The following TESPA1 variants were observed in gnomAD, a reference collection of about 807,000 sequenced individuals.
TESPA1 encodes thymocyte expressed, positive selection associated 1, also known as protein TESPA1.
In TESPA1, 33 loss-of-function variants were observed where a neutral mutation model predicts 57.9. The observed-to-expected ratio is 0.57, with a 90% CI of 0.43 to 0.76. The LOEUF (loss-of-function observed/expected upper bound fraction) is 0.76. Ranked by LOEUF, TESPA1 falls within the 30% of genes least tolerant of loss-of-function variation. The pLI is 0.00. For missense variants in TESPA1, 618 were observed against 632.9 expected, an observed-to-expected ratio of 0.98 and a Z score of 0.25; for synonymous variants, 227 against 228.9, an observed-to-expected ratio of 0.99 and a Z score of 0.07.
At chr12:54,969,916 T>A (rs1951721827) in intron 3 of TESPA1, among the ~76,000 whole-genome samples, 1 of 152,058 alleles carries the variant, frequency 6.6e-6, no homozygotes, top group Non-Finnish European at 1.5e-5. Context: ...ATTGAGCTAT[T>A]TATGTATTTA....
rs1222941467 is a variant in TESPA1, at chr12:54,984,682, A to G, written c.-143T>C. ...GGCACAGAGGTGAAGCAAGTGAGAA[A>G]GTATCATGTTGTAGATTATGCCTTT... is the stretch of plus-strand genomic sequence containing the variant. On this transcript the variant is annotated 5_prime_UTR_variant, in exon 1 of 11. Coordinates refer to ENST00000449076, the MANE Select transcript of TESPA1 (RefSeq NM_001136030.3). 2 of 152,274 alleles carry G rather than the reference A, an allele frequency of 1.3e-5. No individual in the cohort carries two copies. Among genetic ancestry groups the G allele is most frequent in the Non-Finnish European group, 2.9e-5 (2 of 68,054 alleles). 9.4% of individuals were successfully genotyped at this position (152,274 alleles called of 1,614,324 possible).
intron 7 of TESPA1, among the ~76,000 whole-genome samples, chr12:54,965,253 G>A (rs868795209): frequency 2.6e-5 from 4 of 152,076 alleles, no homozygotes; most frequent in Admixed American, 6.5e-5. Flanking sequence ...ATAGGTAAAC[G>A]TGTGCTAGGG....
rs189608954 is a variant in TESPA1, at chr12:54,951,336, C to T, written c.*2-946G>A. Among the ~76,000 whole-genome samples the T allele has an allele frequency of 3.9e-5, 6 of 152,284 alleles. 1 individual carries two copies. Among genetic ancestry groups the T allele is most frequent in the Admixed American group, 3.9e-4 (6 of 15,294 alleles). ...TGCCATGAATGAAAGTTCCTGAGGT[C>T]TCCCTAGCCATGCCTCCTGCACAGC... On this transcript the variant is annotated intron_variant, in intron 10 of 10. Coordinates refer to ENST00000449076, the MANE Select transcript of TESPA1 (RefSeq NM_001136030.3).
chr12:54,976,512 T>C (rs1952143066), intron 1 of TESPA1, among the ~76,000 whole-genome samples: 1 of 144,468 alleles, frequency 6.9e-6, no homozygotes, highest in South Asian at 2.2e-4. Context: ...AGGGCAGGAA[T>C]GCAGAAGGGC....
intron 3 of TESPA1, among the ~76,000 whole-genome samples, chr12:54,971,755 TAACTA>T (rs1951843106): frequency 6.6e-6 from 1 of 152,056 alleles, no homozygotes; most frequent in Admixed American, 6.5e-5. Context: ...ATTAAAGATA[TAACTA>T]AAGTCTTATT....
intron 10 of TESPA1, among the ~76,000 whole-genome samples, chr12:54,951,858 T>G (rs1357757147): frequency 6.6e-6 from 1 of 152,080 alleles, no homozygotes; most frequent in Non-Finnish European, 1.5e-5. Flanking sequence ...TGTTTTTTTT[T>G]TTTTACTTCA....
intron 1 of TESPA1, among the ~76,000 whole-genome samples, chr12:54,976,076 G>C (rs1952125074): frequency 6.6e-6 from 1 of 152,162 alleles, no homozygotes; most frequent in Non-Finnish European, 1.5e-5. Flanking sequence ...TTAAATCACT[G>C]AATGAAGTTA....
At chr12:54,958,171 A>G (rs1950847570) in intron 10 of TESPA1, among the ~76,000 whole-genome samples, 1 of 152,246 alleles carries the variant, frequency 6.6e-6, no homozygotes, top group African/African-American at 2.4e-5. Flanking sequence ...TAGATTGCCC[A>G]GGAATGTATA....
chr12:54,964,508 G>A, intron 7 of TESPA1, among the ~76,000 whole-genome samples: 1 of 152,238 alleles, frequency 6.6e-6, no homozygotes, highest in Non-Finnish European at 1.5e-5. Context: ...CTGTGTCACA[G>A]AAGATCCCGT....
At position 54,978,165 on chromosome 12, in the gene TESPA1, G is replaced by C. The variant is rs115146612; in HGVS notation, c.-45-3558C>G. On this transcript the variant is annotated intron_variant, in intron 1 of 10. Transcript: ENST00000449076. ...GTAGGTCTTGGGGCCCCTTGTAATAGAGACAAAGATATGGAGATGTTTCCT... is the reference window on the plus strand; with the variant it reads ...GTAGGTCTTGGGGCCCCTTGTAATACAGACAAAGATATGGAGATGTTTCCT... Among the ~76,000 whole-genome samples the C allele has an allele frequency of 2.9e-3, 440 of 152,272 alleles. 1 individual carries two copies. Among genetic ancestry groups the C allele is most frequent in the African/African-American group, 9.1e-3 (377 of 41,548 alleles).
chr12:54,967,742 T>A, intron 4 of TESPA1, 101 bp downstream of exon 4: 1 of 1,373,360 alleles, frequency 7.3e-7, no homozygotes, highest in East Asian at 2.3e-5. Flanking sequence ...CTCTTTTGCA[T>A]GCCTATGCAT....
chr12:54,966,400 T>C lies in TESPA1; in HGVS notation c.335A>G (p.Lys112Arg). The C allele has an allele frequency of 6.2e-7, 1 of 1,613,856 alleles. No homozygotes were observed. Among genetic ancestry groups the C allele is most frequent in the East Asian group, 2.2e-5 (1 of 44,894 alleles). Residue 112 changes from lysine to arginine, a missense_variant, in exon 6 of 11, where the codon AAA becomes AGA. Coordinates refer to ENST00000449076, the MANE Select transcript of TESPA1 (RefSeq NM_001136030.3). ...AEATLLAANG[K>R]LFSRSFLETA... Reference sequence around the variant, plus strand: ...ACCTAACACTTACCTGGAGAAGAGTTTGCCATTGGCGGCCAGTAGTGTGGC... The same window carrying C: ...ACCTAACACTTACCTGGAGAAGAGTCTGCCATTGGCGGCCAGTAGTGTGGC...
intron 3 of TESPA1, among the ~76,000 whole-genome samples, chr12:54,972,327 C>G (rs896670570): frequency 2.2e-4 from 34 of 152,190 alleles, no homozygotes; most frequent in African/African-American, 8.2e-4. Context: ...TGGCACCCCT[C>G]TAGGTTATTC....
chr12:54,961,590 G>A (rs1472648244), intron 9 of TESPA1, among the ~76,000 whole-genome samples: 1 of 152,220 alleles, frequency 6.6e-6, no homozygotes, highest in Non-Finnish European at 1.5e-5. Flanking sequence ...CTGAGTCTTA[G>A]AGGGTCAGAA....
At position 54,966,112 on chromosome 12, in the gene TESPA1, A is replaced by G. The variant is rs1951411975; in HGVS notation, c.387T>C (p.Asp129=). The change falls in exon 7 of 11, where the codon GAT becomes GAC. Residue 129 remains aspartate (D), a synonymous_variant. Transcript: ENST00000449076. ...TGCTGGAAGCCAAACTACAGCCAAG[A>G]TCAAGTAGCTGGCAAGGCCTGGCTG... ...LETARPCQLL[D]LGCSLASSSM... The G allele has an allele frequency of 6.3e-7, 1 of 1,576,656 alleles. No individual in the cohort carries two copies. Among genetic ancestry groups the G allele is most frequent in the Non-Finnish European group, 8.6e-7 (1 of 1,160,110 alleles).
Position 54,950,269 on chromosome 12 carries a change from G to A in TESPA1, c.*123C>T. The A allele has an allele frequency of 4.4e-6, 2 of 456,810 alleles. No individual in the cohort carries two copies. The highest frequency in any genetic ancestry group is 4.4e-6 in the Non-Finnish European group (1 of 226,984). The allele number at this position is 456,810 out of a possible 1,614,324, so 28.3% of individuals were successfully genotyped here. On this transcript the variant is annotated 3_prime_UTR_variant, in exon 11 of 11. Transcript: ENST00000449076. ...TTCTCCTGCAGAGTTTGGGGGTTTG[G>A]AGGACCAAGGAGTAGGGGCTGGATG...
At chr12:54,966,808 C>T (rs547038361) in intron 5 of TESPA1, among the ~76,000 whole-genome samples, 1 of 152,270 alleles carries the variant, frequency 6.6e-6, no homozygotes, top group East Asian at 1.9e-4. Flanking sequence ...TACTGATGTC[C>T]TTCTCCTCCT....
rs563955792 is a variant in TESPA1 at position 54,949,642 on chromosome 12, AT to A, written c.*749del. The stretch of plus-strand genomic sequence containing the variant: ...AAAAACATGCCATGATTTAAAAAAA[AT>A]ATTTGTATTGTTTTCTGCCAACAGA... On this transcript the variant is annotated 3_prime_UTR_variant, in exon 11 of 11. Coordinates refer to ENST00000449076, the MANE Select transcript of TESPA1 (RefSeq NM_001136030.3). The A allele has an allele frequency of 1.7e-4, 26 of 152,618 alleles. 1 individual carries two copies. The South Asian group carries it at 3.9e-3, about 23-fold the overall frequency. The allele number at this position is 152,618 out of a possible 1,614,324, so 9.5% of individuals were successfully genotyped here. A position where few individuals can be genotyped will look rare whatever the true frequency, so the allele number is the denominator to read the frequency against.
chr12:54,966,449 G>A, intron 5 of TESPA1, 25 bp from the exon 6 acceptor site: 2 of 1,609,562 alleles, frequency 1.2e-6, no homozygotes, highest in Non-Finnish European at 1.7e-6. Context: ...GAGAAGCAAA[G>A]AGCAAATTAG....
Sources: gnomAD v4.1 joint callset for allele counts (sites outside exome capture counted in the v4.1 genomes callset) on GRCh38, gnomAD v4.1.1 for gene constraint, MANE v1.5 for transcripts, NCBI Gene and HGNC (gene_info 2026-07-23, HGNC 2026-07-21) for gene names.